Variants in SNX24 observed in about 807,000 individuals in gnomAD.
SNX24 encodes sorting nexin-24.
SNX24 carries 22 observed loss-of-function variants against 28.7 expected under a neutral mutation model. The observed-to-expected ratio is 0.77, with a 90% CI of 0.55 to 1.10. SNX24 has a LOEUF of 1.10. SNX24 is among the 50% of genes least tolerant of loss of function. SNX24 has a pLI of 0.00. For missense variants in SNX24, 221 were observed against 201.1 expected (o/e 1.10, Z -0.60); for synonymous variants, 69 against 71.5 (o/e 0.96, Z 0.18).
chr5:123,001,557 G>A, intron 5 of SNX24, 120 bp downstream of exon 5: 2 of 760,904 alleles, frequency 2.6e-6, no homozygotes, highest in Non-Finnish European at 4.4e-6. Context: ...TTGGTTTTAA[G>A]ATTATAAATA....
At chr5:122,893,091 G>A (rs1249429286) in intron 1 of SNX24, among the ~76,000 whole-genome samples, 1 of 151,668 alleles carries the variant, frequency 6.6e-6, no homozygotes, top group African/African-American at 2.4e-5. Flanking sequence ...TTACTAGCTG[G>A]CATTCTTCTG....
chr5:122,857,853 G>A (rs1469781114), intron 1 of SNX24, among the ~76,000 whole-genome samples: 2 of 152,084 alleles, frequency 1.3e-5, no homozygotes, highest in Non-Finnish European at 2.9e-5. Flanking sequence ...CATAATCTCG[G>A]CTCACTGCAA....
intron 3 of SNX24, among the ~76,000 whole-genome samples, chr5:122,961,175 A>G (rs1409383696): frequency 6.6e-6 from 1 of 152,206 alleles, no homozygotes; most frequent in Non-Finnish European, 1.5e-5. Context: ...GATGAAACTG[A>G]GTAAAGTTGG....
In SNX24 at chr5:123,008,807, A is replaced by T. The variant is rs1400145722; in HGVS notation, c.*1058A>T. ...GAGTTAATGTAAGTTAAATGTGTTT[A>T]TGATATAACTCCACTGTACATCATC... On this transcript the variant is annotated 3_prime_UTR_variant, in exon 7 of 7. Transcript: ENST00000261369. 1.1e-6 allele frequency: 1 copy of T among 903,486 alleles called. No homozygotes were observed. Among genetic ancestry groups the T allele is most frequent in the Non-Finnish European group, 1.3e-6 (1 of 755,060 alleles). The allele number at this position is 903,486 out of a possible 1,614,324, so 56.0% of individuals were successfully genotyped here.
At chr5:122,958,261 T>C (rs1437533523) in intron 3 of SNX24, among the ~76,000 whole-genome samples, 1 of 150,660 alleles carries the variant, frequency 6.6e-6, no homozygotes, top group African/African-American at 2.5e-5. Context: ...AAAAAAAAAT[T>C]TTTTTTTTTG....
chr5:122,868,463 G>C (rs1396515898), intron 1 of SNX24, among the ~76,000 whole-genome samples: 1 of 152,072 alleles, frequency 6.6e-6, no homozygotes, highest in Non-Finnish European at 1.5e-5. Flanking sequence ...GGTAGGCAGG[G>C]CTTTGCTCCA....
At chr5:122,919,153 A>G (rs1357870961) in intron 1 of SNX24, among the ~76,000 whole-genome samples, 1 of 152,240 alleles carries the variant, frequency 6.6e-6, no homozygotes, top group Non-Finnish European at 1.5e-5. Context: ...AAGCAAGACA[A>G]TCCATATATT....
intron 1 of SNX24, among the ~76,000 whole-genome samples, chr5:122,920,009 C>T (rs1327306118): frequency 3.3e-5 from 5 of 152,112 alleles, no homozygotes; most frequent in African/African-American, 7.2e-5. Flanking sequence ...TTGTTTACAA[C>T]GTTTAGAGGT....
chr5:122,892,982 T>C (rs1344885230), intron 1 of SNX24, among the ~76,000 whole-genome samples: 1 of 151,576 alleles, frequency 6.6e-6, no homozygotes, highest in Admixed American at 6.6e-5. Flanking sequence ...GCCAGGCTGG[T>C]TTTGAACTCC....
At chr5:123,025,960 T>G in intron 5 of SNX24, 1 of 1,591,430 alleles carries the variant, frequency 6.3e-7, no homozygotes, top group Middle Eastern at 1.7e-4. Flanking sequence ...TCACCATAGA[T>G]GCTCACACCT....
At chr5:122,937,700 G>A (rs1426536786) in intron 2 of SNX24, among the ~76,000 whole-genome samples, 1 of 152,036 alleles carries the variant, frequency 6.6e-6, no homozygotes, top group Non-Finnish European at 1.5e-5. Context: ...CTGTTAGGAC[G>A]GCAAGGGATA....
intron 1 of SNX24, among the ~76,000 whole-genome samples, chr5:122,868,272 T>C (rs991885106): frequency 3.7e-4 from 57 of 152,138 alleles, no homozygotes; most frequent in African/African-American, 1.3e-3. Flanking sequence ...TTCCATTTGA[T>C]GATGGAGTGC....
chr5:122,871,994 A>G (rs1756003341), intron 1 of SNX24, among the ~76,000 whole-genome samples: 1 of 151,708 alleles, frequency 6.6e-6, no homozygotes, highest in African/African-American at 2.4e-5. Flanking sequence ...TCTTGTAAGG[A>G]TCATCATACC....
At chr5:122,868,292 T>A (rs1755810542) in intron 1 of SNX24, among the ~76,000 whole-genome samples, 1 of 152,158 alleles carries the variant, frequency 6.6e-6, no homozygotes, top group African/African-American at 2.4e-5. Context: ...CTGCTGATCA[T>A]GCCCAACTTT....
chr5:123,028,743 T>G (rs556094111), intron 5 of SNX24: 2 of 1,563,896 alleles, frequency 1.3e-6, no homozygotes, highest in South Asian at 2.3e-5. Context: ...TTCGGTTTGG[T>G]AAATGGGAAA....
intron 1 of SNX24, among the ~76,000 whole-genome samples, chr5:122,892,750 T>TATTA (rs577597022): frequency 2.1e-4 from 32 of 149,842 alleles, no homozygotes; most frequent in South Asian, 6.4e-4. Context: ...TTTCCTTTAT[T>TATTA]ATTAATTAAT....
intron 3 of SNX24, among the ~76,000 whole-genome samples, chr5:122,948,271 T>A (rs928127458): frequency 6.6e-6 from 1 of 152,166 alleles, no homozygotes; most frequent in African/African-American, 2.4e-5. Flanking sequence ...TAAGACAGCA[T>A]TACTGTTTCT....
chr5:122,971,378 C>T (rs1164620079), intron 3 of SNX24, among the ~76,000 whole-genome samples: 1 of 152,138 alleles, frequency 6.6e-6, no homozygotes, highest in Non-Finnish European at 1.5e-5. Context: ...TTTGGCAGCA[C>T]CCTCACAGAC....
intron 1 of SNX24, among the ~76,000 whole-genome samples, chr5:122,928,788 G>A (rs1758820182): frequency 6.6e-6 from 1 of 151,514 alleles, no homozygotes; most frequent in Admixed American, 6.6e-5. Context: ...TGTGAGATAA[G>A]TGATGAGTAT....
Sources: allele counts gnomAD v4.1 joint callset (sites outside exome capture counted in the v4.1 genomes callset), GRCh38; gene constraint gnomAD v4.1.1; transcripts MANE v1.5; gene names NCBI Gene and HGNC (gene_info 2026-07-23, HGNC 2026-07-21).